Variants in PIWIL4 observed in about 807,000 individuals in gnomAD.
PIWIL4 encodes piwi like RNA-mediated gene silencing 4, also known as piwi-like protein 4.
PIWIL4 carries 50 observed loss-of-function variants against 100.9 expected under a neutral mutation model. The observed-to-expected ratio is 0.50, with a 90% CI of 0.39 to 0.63. The LOEUF is 0.63. Among genes scored for constraint, PIWIL4 ranks in the 20% least tolerant of loss-of-function variants. The pLI is 0.00. For synonymous variants in PIWIL4, 342 were observed against 367.5 expected, an observed-to-expected ratio of 0.93 and a Z score of 0.79; for missense variants, 887 against 1,043.3, an observed-to-expected ratio of 0.85 and a Z score of 2.06.
chr11:94,607,754 C>G (rs544810054), intron 14 of PIWIL4, 115 bp downstream of exon 14: 43 of 1,127,440 alleles, frequency 3.8e-5, no homozygotes, highest in Non-Finnish European at 5.1e-5. Flanking sequence ...TTTCTTGAGC[C>G]TTTGCCCTGG....
Position 94,567,511 on chromosome 11 carries a change from C to G in PIWIL4, c.-8C>G. On this transcript the variant is annotated 5_prime_UTR_variant, in exon 1 of 20. Transcript: ENST00000299001. ...AGCTCTTGTGGCCACTCTGGGCTCA[C>G]CGGGAACATGAGTGGAAGAGCCCGA... The G allele has an allele frequency of 6.3e-7, 1 of 1,581,976 alleles. No homozygotes were observed. Among genetic ancestry groups the G allele is most frequent in the Non-Finnish European group, 8.6e-7 (1 of 1,163,484 alleles).
rs529533471 is a variant in PIWIL4, at chr11:94,601,802, C to G, written c.1388C>G (p.Pro463Arg). The G allele has an allele frequency of 1.9e-6, 3 of 1,613,466 alleles. No homozygotes were observed. The highest frequency in any genetic ancestry group is 2.5e-6 in the Non-Finnish European group (3 of 1,179,612). Residue 463 changes from proline to arginine, a missense_variant, in exon 12 of 20, where the codon CCT becomes CGT. Pro to Arg is a moderately radical substitution (Grantham distance 103). Around this residue, in one of 2 missense-constraint regions of PIWIL4, gnomAD observed 741 missense variants for 930.0 expected, o/e 0.80. Coordinates refer to ENST00000299001, the MANE Select transcript of PIWIL4 (RefSeq NM_152431.3). ...GATCATTATTTTTCTCAGTGTCAAC[C>G]TGTGTCTGCTGCTGACTGGTCCAAG... ...KILMQDHICQ[P>R]VSAADWSKDI...
intron 3 of PIWIL4, 32 bp from the exon 4 acceptor site, chr11:94,577,246 T>G (rs369375957): frequency 1.3e-6 from 2 of 1,505,914 alleles, no homozygotes; most frequent in African/African-American, 2.8e-5. Context: ...GATTTCCTGA[T>G]TAAAAAATTG....
intron 7 of PIWIL4, among the ~76,000 whole-genome samples, chr11:94,587,936 G>A (rs1426936727): frequency 6.6e-6 from 1 of 152,134 alleles, no homozygotes; most frequent in African/African-American, 2.4e-5. Context: ...ACTGCTGCTA[G>A]TCCAAGAACA....
At chr11:94,597,699 A>G in intron 10 of PIWIL4, 105 bp from the exon 11 acceptor site, 1 of 733,578 alleles carries the variant, frequency 1.4e-6, no homozygotes. Flanking sequence ...TGCTGAGTAG[A>G]ATTAGAAGCC....
chr11:94,598,211 G>A (rs1948583140), intron 11 of PIWIL4, among the ~76,000 whole-genome samples: 1 of 152,172 alleles, frequency 6.6e-6, no homozygotes, highest in South Asian at 2.1e-4. Context: ...AAAAAAGAAA[G>A]CCATAGTCAT....
At chr11:94,611,874 CT>C (rs1022583925) in intron 15 of PIWIL4, among the ~76,000 whole-genome samples, 2 of 152,102 alleles carry the variant, frequency 1.3e-5, no homozygotes, top group Non-Finnish European at 2.9e-5. Flanking sequence ...TCAAATAAAC[CT>C]TTTTTTTAAA....
At chr11:94,594,626 G>A (rs1031855537) in intron 9 of PIWIL4, among the ~76,000 whole-genome samples, 2 of 151,772 alleles carry the variant, frequency 1.3e-5, no homozygotes, top group South Asian at 2.1e-4. Flanking sequence ...TCTGCCTCCC[G>A]GGTTCAAGCG....
At chr11:94,619,271 A>G (rs1027071642) in intron 17 of PIWIL4, among the ~76,000 whole-genome samples, 1 of 152,146 alleles carries the variant, frequency 6.6e-6, no homozygotes, top group South Asian at 2.1e-4. Context: ...GCCAGAACAT[A>G]TATTTGGTCC....
chr11:94,587,138 C>G lies in PIWIL4; in HGVS notation c.805C>G (p.Arg269Gly). ...TGCTGATGTGAGTTACAAAGTCCTC[C>G]GGAATGAGACGGTTCTGGAATTCAT... is the stretch of plus-strand genomic sequence containing the variant. The part of the protein sequence containing the change: ...FSADVSYKVL[R>G]NETVLEFMTA... The change falls in exon 7 of 20, where the codon CGG (arginine) becomes GGG (glycine). Residue 269 changes from arginine to glycine, a missense_variant. Physicochemically the swap from Arg to Gly is moderately radical, Grantham distance 125. This residue lies in a region of PIWIL4 where 741 missense variants were observed against 930.0 expected (regional missense o/e 0.80). Coordinates refer to ENST00000299001, the MANE Select transcript of PIWIL4 (RefSeq NM_152431.3). 6.2e-7 allele frequency: 1 copy of G among 1,613,992 alleles called. No individual in the cohort carries two copies. Among genetic ancestry groups the G allele is most frequent in the Non-Finnish European group, 8.5e-7 (1 of 1,179,926 alleles).
In PIWIL4 at chr11:94,577,327, T is replaced by C. The variant is rs1209320125; in HGVS notation, c.348T>C (p.Asp116=). The C allele has an allele frequency of 3.1e-6, 5 of 1,614,010 alleles. No homozygotes were observed. In the African/African-American group the frequency reaches 6.7e-5, roughly 22 times the overall value. The change falls in exon 4 of 20, where the codon GAT becomes GAC. Residue 116 remains aspartate, a synonymous_variant. Transcript: ENST00000299001. ...VKLVTNLFNL[D]FPQDWQLYQY... is the part of the protein sequence containing the mutation. ...TGGTTACAAACCTCTTTAACTTAGA[T>C]TTTCCCCAAGACTGGCAGCTATACC...
chr11:94,596,156 T>G (rs1220462849), intron 10 of PIWIL4, among the ~76,000 whole-genome samples: 2 of 152,096 alleles, frequency 1.3e-5, no homozygotes, highest in African/African-American at 4.8e-5. Flanking sequence ...TTTCTTAAGG[T>G]GGAAGTAAAA....
intron 4 of PIWIL4, among the ~76,000 whole-genome samples, chr11:94,580,713 G>C (rs1019104727): frequency 3.9e-5 from 6 of 152,026 alleles, no homozygotes; most frequent in African/African-American, 1.5e-4. Context: ...TATTATGCTA[G>C]CATTTATTGA....
At chr11:94,620,324 A>T (rs1322131491) in intron 19 of PIWIL4, among the ~76,000 whole-genome samples, 180 bp downstream of exon 19, 1 of 152,258 alleles carries the variant, frequency 6.6e-6, no homozygotes, top group African/African-American at 2.4e-5. Context: ...GTGGGAGGAA[A>T]GCAGTCTATC....
intron 17 of PIWIL4, among the ~76,000 whole-genome samples, chr11:94,618,583 G>A (rs1468661035): frequency 6.6e-6 from 1 of 152,154 alleles, no homozygotes; most frequent in African/African-American, 2.4e-5. Flanking sequence ...AGCTGCAGAT[G>A]GAAATCAGAC....
rs1948899182 is a variant in PIWIL4 at position 94,620,996 on chromosome 11, C to A, written c.*4C>A. On this transcript the variant is annotated 3_prime_UTR_variant, in exon 20 of 20. Transcript: ENST00000299001. ...CAACCATCTCTTCTACCTGTGATGG[C>A]ATGAACTACTGGCATCACTAGATGG... is the stretch of plus-strand genomic sequence containing the variant. 6.3e-7 allele frequency: 1 copy of A among 1,584,584 alleles called. No individual in the cohort carries two copies. The highest frequency in any genetic ancestry group is 1.3e-5 in the African/African-American group (1 of 74,290).
At position 94,607,588 on chromosome 11, in the gene PIWIL4, T is replaced by C; in HGVS notation, c.1788T>C (p.Ala596=). Residue 596 remains alanine, a synonymous_variant, in exon 14 of 20, where the codon GCT becomes GCC. Transcript: ENST00000299001. ...GMMMSIATKI[A]MQMTCKLGGE... ...TGATGAGTATCGCCACCAAGATCGC[T>C]ATGCAGATGACTTGCAAGCTCGGAG... 6.2e-7 allele frequency: 1 copy of C among 1,614,184 alleles called. No homozygotes were observed. The highest frequency in any genetic ancestry group is 8.5e-7 in the Non-Finnish European group (1 of 1,180,032).
At chr11:94,607,665 AT>A in intron 14 of PIWIL4, 26 bp downstream of exon 14, 1 of 1,579,062 alleles carries the variant, frequency 6.3e-7, no homozygotes, top group Non-Finnish European at 8.6e-7. Flanking sequence ...CATTTTTTCT[AT>A]TAGTAATTAA....
rs928702158 is a variant in PIWIL4 at position 94,617,761 on chromosome 11, T to C, written c.2015-193T>C. ...ATAGAAACCATTGTGATTCCTTGAA[T>C]AGCAGAGACAGAGGAATGCTCCCTA... On this transcript the variant is annotated intron_variant, in intron 16 of 19. Coordinates refer to ENST00000299001, the MANE Select transcript of PIWIL4 (RefSeq NM_152431.3). 6.4e-5 allele frequency: 34 copies of C among 530,636 alleles called. No individual in the cohort carries two copies. In the South Asian group the frequency reaches 9.2e-4, roughly 14 times the overall value. 32.9% of individuals were successfully genotyped at this position (530,636 alleles called of 1,614,324 possible).
Sources: allele counts gnomAD v4.1 joint callset (sites outside exome capture counted in the v4.1 genomes callset), GRCh38; gene constraint gnomAD v4.1.1; regional missense constraint gnomAD v4.1.1; transcripts MANE v1.5; gene names NCBI Gene and HGNC (gene_info 2026-07-23, HGNC 2026-07-21).